Variants in TTLL8 observed in about 807,000 individuals in gnomAD.
TTLL8 encodes the protein tubulin tyrosine ligase like 8.
Under a neutral mutation model 77.8 loss-of-function variants are expected in TTLL8, and 65 were observed. The ratio of observed to expected loss-of-function variants is 0.84; its 90% CI spans 0.68 to 1.03. TTLL8 has a LOEUF of 1.03. TTLL8 is among the 50% of genes least tolerant of loss of function. TTLL8 has a pLI of 0.00. For synonymous variants in TTLL8, 402 were observed against 422.8 expected, an observed-to-expected ratio of 0.95 and a Z score of 0.60; for missense variants, 910 against 1,004.5, an observed-to-expected ratio of 0.91 and a Z score of 1.27.
intron 12 of TTLL8, among the ~76,000 whole-genome samples, chr22:50,019,885 C>G (rs2061184978): frequency 6.6e-6 from 1 of 152,196 alleles, no homozygotes; most frequent in Non-Finnish European, 1.5e-5. Context: ...TTAAAAGACA[C>G]TGGCAGTCCG....
chr22:50,034,044 AAAT>A lies in TTLL8; in HGVS notation c.1039+298_1039+300del, dbSNP rs899637689. On this transcript the variant is annotated intron_variant, in intron 9 of 13. Transcript: ENST00000266182. The surrounding 1 kb of genome is among the most constrained non-coding windows in gnomAD (Gnocchi z 4.1). ...GTGAAACTCCGTTTCAAAAAACTAA[AAAT>A]AAAATAATAAAAATAAAAAACTAAA... is the stretch of plus-strand genomic sequence containing the variant. Among the ~76,000 whole-genome samples, 2 of 152,262 alleles carry A rather than the reference AAAT, an allele frequency of 1.3e-5. No individual in the cohort carries two copies. Among genetic ancestry groups the A allele is most frequent in the Non-Finnish European group, 2.9e-5 (2 of 68,052 alleles).
intron 4 of TTLL8, 88 bp from the exon 7 acceptor site, chr22:50,046,058 G>C (rs948483965): frequency 1.7e-6 from 2 of 1,209,230 alleles, no homozygotes; most frequent in African/African-American, 3.1e-5. Flanking sequence ...GTCCACCTCA[G>C]ACTTGCCTGG....
At chr22:50,021,212 C>T (rs2061196472) in intron 12 of TTLL8, among the ~76,000 whole-genome samples, 1 of 150,366 alleles carries the variant, frequency 6.7e-6, no homozygotes, top group East Asian at 2.0e-4. Flanking sequence ...GTGTACTCCT[C>T]CATCTGACGT....
intron 3 of TTLL8, 175 bp downstream of exon 5, chr22:50,049,074 C>A: frequency 2.2e-6 from 2 of 891,420 alleles, no homozygotes; most frequent in South Asian, 5.2e-5. Flanking sequence ...GCTCGCCCCA[C>A]CCCTGGGGGC....
intron 8 of TTLL8, among the ~76,000 whole-genome samples, chr22:50,036,925 T>C (rs2146662955): frequency 6.6e-6 from 1 of 152,200 alleles, no homozygotes; most frequent in Admixed American, 6.5e-5. Flanking sequence ...GACCTGACTG[T>C]GAGATTCATC....
chr22:50,029,549 A>G (rs137897), intron 12 of TTLL8, among the ~76,000 whole-genome samples: 58,268 of 146,678 alleles, frequency 0.4, 11,741 homozygotes, highest in East Asian at 0.42. Context: ...GACCATCCTG[A>G]CTAACACGGT....
At chr22:50,023,500 C>T (rs1387251348) in intron 12 of TTLL8, among the ~76,000 whole-genome samples, 1 of 151,736 alleles carries the variant, frequency 6.6e-6, no homozygotes, top group Admixed American at 6.6e-5. Flanking sequence ...CTGGCTAACA[C>T]GGTGAAACCC....
At chr22:50,028,529 C>T (rs2061246057) in intron 12 of TTLL8, among the ~76,000 whole-genome samples, 1 of 152,060 alleles carries the variant, frequency 6.6e-6, no homozygotes, top group African/African-American at 2.4e-5. Flanking sequence ...GCCCCTGAAT[C>T]GCAGTGGGAA....
chr22:50,030,668 C>G (rs779650419), exon 12 of TTLL8: 12 of 1,285,476 alleles, frequency 9.3e-6, no homozygotes, highest in Non-Finnish European at 1.2e-5. Context: ...CGGCTGCCCC[C>G]CTTAAGGGTG....
chr22:50,035,620 G>A (rs957778969), intron 8 of TTLL8, among the ~76,000 whole-genome samples: 5 of 152,222 alleles, frequency 3.3e-5, no homozygotes, highest in Admixed American at 3.3e-4. Flanking sequence ...AGAACTTGGA[G>A]CAAACCGGGC....
intron 1 of TTLL8, among the ~76,000 whole-genome samples, chr22:50,053,113 T>C (rs1039039437): frequency 2.6e-5 from 4 of 151,356 alleles, no homozygotes; most frequent in Non-Finnish European, 2.9e-5. Flanking sequence ...TCCCAGCTAC[T>C]CAGGAGGCTG....
chr22:50,051,582 T>A lies in TTLL8; in HGVS notation c.52-1335A>T, dbSNP rs145194029. On this transcript the variant is annotated intron_variant, in intron 1 of 13. Coordinates refer to ENST00000266182, the Ensembl canonical transcript of TTLL8. The stretch of plus-strand genomic sequence containing the variant: ...TACGGTTGCTGGATCAAATGGTAGA[T>A]CTACTTTTAGTCCTTTAAGGAATGT... Among the ~76,000 whole-genome samples, 193 of 152,222 alleles carry A rather than the reference T, an allele frequency of 1.3e-3. 2 individuals are homozygous for A. The highest frequency in any genetic ancestry group is 2.3e-3 in the Non-Finnish European group (154 of 68,040).
In TTLL8 at chr22:50,041,308, C is replaced by G. The variant is rs1429001494; in HGVS notation, c.831-31G>C. On this transcript the variant is annotated intron_variant, in intron 7 of 13. Transcript: ENST00000266182. This position sits in a 1 kb window ranked among gnomAD's most constrained non-coding sequence, Gnocchi z 4.3. ...GGGGTATCATCCTCTCAACAGTCATCAGGGTCCTGGTGGGACAGGCAACAG... is the reference window on the plus strand; with the variant it reads ...GGGGTATCATCCTCTCAACAGTCATGAGGGTCCTGGTGGGACAGGCAACAG... 1.9e-6 allele frequency: 1 copy of G among 512,878 alleles called. No homozygotes were observed. Among genetic ancestry groups the G allele is most frequent in the Non-Finnish European group, 3.9e-6 (1 of 257,358 alleles). The allele number at this position is 512,878 out of a possible 1,614,324, so 31.8% of individuals were successfully genotyped here.
chr22:50,035,784 C>G (rs374153011), intron 8 of TTLL8, among the ~76,000 whole-genome samples: 24 of 152,314 alleles, frequency 1.6e-4, no homozygotes, highest in African/African-American at 5.5e-4. Context: ...CCCAGTGACA[C>G]GGGGCTACAG....
At chr22:50,019,120 G>A (rs1227953819) in intron 12 of TTLL8, among the ~76,000 whole-genome samples, 1 of 152,214 alleles carries the variant, frequency 6.6e-6, no homozygotes, top group Non-Finnish European at 1.5e-5. Context: ...GTGGGTATAA[G>A]TGTGACTTCC....
intron 12 of TTLL8, among the ~76,000 whole-genome samples, chr22:50,020,921 A>ACGAC (rs200344193): frequency 2.4e-5 from 3 of 127,054 alleles, no homozygotes; most frequent in South Asian, 2.7e-4. Context: ...CCTCCATCTG[A>ACGAC]ATGTGTACTC....
intron 4 of TTLL8, among the ~76,000 whole-genome samples, chr22:50,046,714 G>A (rs1169441694): frequency 1.3e-5 from 2 of 152,210 alleles, no homozygotes; most frequent in African/African-American, 2.4e-5. Flanking sequence ...CCTCAGCAGG[G>A]TCCCCACACC....
In TTLL8 at chr22:50,034,573, G is replaced by A. The variant is rs1335261127; in HGVS notation, c.922-111C>T. 6 of 1,168,512 alleles carry A rather than the reference G, an allele frequency of 5.1e-6. No individual in the cohort carries two copies. The East Asian group carries it at 3.4e-4, about 67-fold the overall frequency. 72.4% of individuals were successfully genotyped at this position (1,168,512 alleles called of 1,614,324 possible). ...GGGCCCCGCCTCACCCACCAAGCAG[G>A]CGCTCGGCTCTAGGATGGTCTGGGG... On this transcript the variant is annotated intron_variant, in intron 8 of 13. Transcript: ENST00000266182. This position sits in a 1 kb window ranked among gnomAD's most constrained non-coding sequence, Gnocchi z 4.1.
At chr22:50,022,600 C>T (rs984975072) in intron 12 of TTLL8, among the ~76,000 whole-genome samples, 1 of 152,156 alleles carries the variant, frequency 6.6e-6, no homozygotes, top group Non-Finnish European at 1.5e-5. Context: ...ACAATGTGTA[C>T]TCCTCCATCT....
Sources: gnomAD v4.1 joint callset for allele counts (sites outside exome capture counted in the v4.1 genomes callset) on GRCh38, gnomAD v4.1.1 for gene constraint, Gnocchi (gnomAD v3.1) non-coding constraint, MANE v1.5 for transcripts, NCBI Gene and HGNC (gene_info 2026-07-23, HGNC 2026-07-21) for gene names.